Variants in CYREN observed in about 807,000 individuals in gnomAD.
The protein encoded by CYREN is cell cycle regulator of non-homologous end joining.
A neutral mutation model predicts 9.7 loss-of-function variants in CYREN; 7 were observed. The ratio of observed to expected loss-of-function variants is 0.72; its 90% CI spans 0.41 to 1.36. The LOEUF (loss-of-function observed/expected upper bound fraction) is 1.36, where lower values mean the gene tolerates loss of function less well. Ranked by LOEUF, CYREN falls within the 40% of genes most tolerant of loss-of-function variation. The pLI is 0.01. For synonymous variants in CYREN, 76 were observed against 77.9 expected (o/e 0.98, Z 0.13); for missense variants, 215 against 198.1 (o/e 1.09, Z -0.51).
intron 2 of CYREN, among the ~76,000 whole-genome samples, chr7:135,108,378 A>C (rs1477988872): frequency 1.3e-5 from 2 of 152,048 alleles, no homozygotes; most frequent in African/African-American, 4.8e-5. Flanking sequence ...GCTCCTTTCA[A>C]GATCTCTTAT....
chr7:135,166,724 C>G lies in CYREN; in HGVS notation c.361G>C (p.Gly121Arg). 1 of 1,613,926 alleles carries G rather than the reference C, an allele frequency of 6.2e-7. No individual in the cohort carries two copies. Among genetic ancestry groups the G allele is most frequent in the Non-Finnish European group, 8.5e-7 (1 of 1,180,040 alleles). The change falls in exon 4 of 4, where the codon GGC (glycine) becomes CGC (arginine). Residue 121 changes from glycine to arginine, a missense_variant. By Grantham distance (125) the Gly-to-Arg change is moderately radical. Transcript: ENST00000393114. ...CCCGGCCTCTGGGAAGGGCTGAGGC[C>G]TGGAGCCAGTGCCTGTTTCCCACTG... ...EDSGKQALAP[G>R]LSPSQRPGGS...
Position 135,141,148 on chromosome 7 carries a change from G to A in CYREN, n.356+27601C>T, listed in dbSNP as rs112315341. 9.8e-3 allele frequency among the ~76,000 whole-genome samples: 1,497 copies of A among 152,006 alleles called. 20 individuals are homozygous for A. The highest frequency in any genetic ancestry group is 0.034 in the African/African-American group (1,412 of 41,464). Reference sequence around the variant, plus strand: ...GTAGGTTTGCTACCTGTTTTTCTTTGTATGTCTGGTAGAATTCAGCCATGA... The same window carrying A: ...GTAGGTTTGCTACCTGTTTTTCTTTATATGTCTGGTAGAATTCAGCCATGA... On this transcript the variant is annotated intron_variant and non_coding_transcript_variant, in intron 2 of 2. Coordinates refer to the CYREN transcript ENST00000459937.
At chr7:135,171,441 C>G (rs147548340), upstream of CYREN, among the ~76,000 whole-genome samples, 2 of 152,104 alleles carry the variant, frequency 1.3e-5, no homozygotes, top group South Asian at 4.1e-4. Flanking sequence ...ACTTAGAAAC[C>G]GATGTTATTC....
At chr7:135,117,279 T>C (rs2117204478) in intron 2 of CYREN, among the ~76,000 whole-genome samples, 1 of 152,366 alleles carries the variant, frequency 6.6e-6, no homozygotes, top group Middle Eastern at 3.4e-3. Flanking sequence ...AAATTTAAGG[T>C]ATGTAAATCA....
chr7:135,108,347 T>C (rs61030039), intron 2 of CYREN, among the ~76,000 whole-genome samples: 4,783 of 152,184 alleles, frequency 0.031, 246 homozygotes, highest in African/African-American at 0.11. Context: ...CTGGTATTGG[T>C]CTTTCCTTTC....
At chr7:135,131,652 A>C (rs1828797579) in intron 2 of CYREN, among the ~76,000 whole-genome samples, 1 of 152,026 alleles carries the variant, frequency 6.6e-6, no homozygotes, top group South Asian at 2.1e-4. Context: ...GACCTATAAA[A>C]AGAAAAGCAA....
chr7:135,105,755 A>AT (rs1391030516), intron 2 of CYREN, among the ~76,000 whole-genome samples: 1 of 151,984 alleles, frequency 6.6e-6, no homozygotes, highest in Non-Finnish European at 1.5e-5. Context: ...TTTTACAATA[A>AT]TTTTTTCTGG....
chr7:135,096,584 CATAG>C (rs71172496), intron 2 of CYREN, among the ~76,000 whole-genome samples: 6,717 of 88,786 alleles, frequency 0.076, 674 homozygotes, highest in African/African-American at 0.25. Context: ...TAGATAGATA[CATAG>C]ATAGATAGAT....
intron 2 of CYREN, among the ~76,000 whole-genome samples, chr7:135,127,860 A>G (rs1828107937): frequency 6.6e-6 from 1 of 152,250 alleles, no homozygotes; most frequent in South Asian, 2.1e-4. Flanking sequence ...ATTCTACTAT[A>G]AAGACACATG....
At chr7:135,164,582 C>T (rs372487841), downstream of CYREN, 20 of 1,614,108 alleles carry the variant, frequency 1.2e-5, no homozygotes, top group Admixed American at 3.3e-5. Flanking sequence ...ACCTGAGAAT[C>T]GGCTTCTATA....
chr7:135,164,913 C>T (rs375824469), downstream of CYREN: 2 of 1,614,098 alleles, frequency 1.2e-6, no homozygotes, highest in Admixed American at 1.7e-5. Flanking sequence ...GGGCAGCGCC[C>T]AGGCCTTACT....
At chr7:135,147,030 T>C (rs1024140998) in intron 2 of CYREN, among the ~76,000 whole-genome samples, 2 of 152,214 alleles carry the variant, frequency 1.3e-5, no homozygotes, top group Non-Finnish European at 2.9e-5. Flanking sequence ...GGCATTAATA[T>C]GGATGCTAGA....
chr7:135,113,722 AGTGTT>A (rs1825945812), intron 2 of CYREN, among the ~76,000 whole-genome samples: 1 of 152,234 alleles, frequency 6.6e-6, no homozygotes, highest in African/African-American at 2.4e-5. Context: ...ACAATTCAGT[AGTGTT>A]AAGTACAGTC....
chr7:135,164,331 A>G, downstream of CYREN: 1 of 1,151,194 alleles, frequency 8.7e-7, no homozygotes, highest in Admixed American at 2.1e-5. Flanking sequence ...TGAGTTTGTA[A>G]GAAATGCCAA....
At chr7:135,098,730 A>G (rs1021161181) in intron 2 of CYREN, among the ~76,000 whole-genome samples, 1 of 152,240 alleles carries the variant, frequency 6.6e-6, no homozygotes, top group Non-Finnish European at 1.5e-5. Context: ...GGCTGCAGGC[A>G]GTTCAGAGAA....
chr7:135,158,316 TC>T (rs1360081128), intron 2 of CYREN, among the ~76,000 whole-genome samples: 2 of 152,226 alleles, frequency 1.3e-5, no homozygotes, highest in African/African-American at 2.4e-5. Flanking sequence ...TCCCTGTTAA[TC>T]CTTGGCTGGG....
At chr7:135,132,690 G>C (rs754222065) in intron 2 of CYREN, among the ~76,000 whole-genome samples, 5 of 152,108 alleles carry the variant, frequency 3.3e-5, no homozygotes, top group Non-Finnish European at 7.4e-5. Flanking sequence ...CAGGAGATCC[G>C]ATGGTTTTAT....
chr7:135,156,902 G>C (rs572816893), intron 2 of CYREN, among the ~76,000 whole-genome samples: 11 of 152,142 alleles, frequency 7.2e-5, no homozygotes, highest in Non-Finnish European at 1.6e-4. Context: ...TGCTATTCTC[G>C]TGATAGTGAA....
intron 2 of CYREN, among the ~76,000 whole-genome samples, chr7:135,099,212 G>C (rs1054354608): frequency 6.6e-6 from 1 of 152,048 alleles, no homozygotes; most frequent in Non-Finnish European, 1.5e-5. Context: ...GGTTACCTTA[G>C]TGTACCTGTC....
Sources: allele counts gnomAD v4.1 joint callset (sites outside exome capture counted in the v4.1 genomes callset), GRCh38; gene constraint gnomAD v4.1.1; transcripts MANE v1.5; gene names NCBI Gene and HGNC (gene_info 2026-07-23, HGNC 2026-07-21).